KCNQ1: variants seen among roughly 807,000 people sequenced by gnomAD.
The protein encoded by KCNQ1 is potassium voltage-gated channel subfamily Q member 1.
In KCNQ1, 49 loss-of-function variants were observed where a neutral mutation model predicts 72.4. That is an observed-to-expected ratio of 0.68 (90% CI 0.54 to 0.86). The LOEUF is 0.86. Among genes scored for constraint, KCNQ1 ranks in the 40% least tolerant of loss-of-function variants. The probability of loss-of-function intolerance (pLI) is 0.00; values close to 1 mark genes in which losing one functional copy is unlikely to be tolerated. For synonymous variants in KCNQ1, 450 were observed against 412.6 expected, an observed-to-expected ratio of 1.09 and a Z score of -1.10; for missense variants, 790 against 945.1, an observed-to-expected ratio of 0.84 and a Z score of 2.15.
chr11:2,551,324 C>G (rs1847980542), intron 2 of KCNQ1, among the ~76,000 whole-genome samples: 1 of 152,228 alleles, frequency 6.6e-6, no homozygotes, highest in East Asian at 1.9e-4. Context: ...CATGGTTTTG[C>G]CTTTTCCAGA....
At chr11:2,833,240 C>A (rs1008227712) in intron 15 of KCNQ1, among the ~76,000 whole-genome samples, 3 of 152,200 alleles carry the variant, frequency 2.0e-5, no homozygotes, top group Admixed American at 6.5e-5. Flanking sequence ...GGACATAGCC[C>A]CTTCTTGCTT....
chr11:2,584,783 C>T (rs1020900245), intron 7 of KCNQ1, among the ~76,000 whole-genome samples: 1 of 152,084 alleles, frequency 6.6e-6, no homozygotes, highest in Non-Finnish European at 1.5e-5. Flanking sequence ...CACGGAGTTC[C>T]CTAGCTTCAG....
chr11:2,583,742 A>G (rs1284997523), intron 7 of KCNQ1, among the ~76,000 whole-genome samples, 197 bp downstream of exon 7: 1 of 152,160 alleles, frequency 6.6e-6, no homozygotes, highest in African/African-American at 2.4e-5. Flanking sequence ...TGCAGTCCCC[A>G]CTGGGGTCCT....
At chr11:2,628,901 CTT>C in intron 10 of KCNQ1, 1 of 398,306 alleles carries the variant, frequency 2.5e-6, no homozygotes, top group Non-Finnish European at 4.4e-6. Context: ...CTCTTGGTGT[CTT>C]TGTCAAAGAT....
chr11:2,600,458 C>T lies in KCNQ1; in HGVS notation c.1393+11604C>T, dbSNP rs191115090. 2.8e-4 allele frequency among the ~76,000 whole-genome samples: 43 copies of T among 152,300 alleles called. No individual in the cohort carries two copies. Among genetic ancestry groups the T allele is most frequent in the African/African-American group, 8.7e-4 (36 of 41,572 alleles). ...TGCCACATTTGCTTTATCATTTGAA[C>T]CCCTTTCTCTACATTATATTCACAT... On this transcript the variant is annotated intron_variant, in intron 10 of 15. Coordinates refer to ENST00000155840, the MANE Select transcript of KCNQ1 (RefSeq NM_000218.3). The surrounding 1 kb of genome is among the most constrained non-coding windows in gnomAD (Gnocchi z 5.6).
rs949403322 is a variant in KCNQ1, at chr11:2,818,470, G to T, written c.1795-29297G>T. Among the ~76,000 whole-genome samples, 2 of 152,180 alleles carry T rather than the reference G, an allele frequency of 1.3e-5. No homozygotes were observed. Among genetic ancestry groups the T allele is most frequent in the Admixed American group, 6.5e-5 (1 of 15,286 alleles). On this transcript the variant is annotated intron_variant, in intron 15 of 15. Coordinates refer to ENST00000155840, the MANE Select transcript of KCNQ1 (RefSeq NM_000218.3). The surrounding 1 kb of genome is among the most constrained non-coding windows in gnomAD (Gnocchi z 7.2). ...TTCCTCAGAGGAAGAGCAAGGGTAG[G>T]TGCCTCTGGCATGAGCCAGATGATG...
intron 15 of KCNQ1, among the ~76,000 whole-genome samples, chr11:2,836,022 A>G (rs1002067364): frequency 3.9e-5 from 6 of 152,032 alleles, no homozygotes; most frequent in African/African-American, 1.4e-4. Flanking sequence ...GCCACGGGGA[A>G]AGGGACAGAG....
At chr11:2,845,993 G>T (rs1001216929) in intron 15 of KCNQ1, among the ~76,000 whole-genome samples, 1 of 152,160 alleles carries the variant, frequency 6.6e-6, no homozygotes, top group Non-Finnish European at 1.5e-5. Context: ...CTAGCAAACT[G>T]GTTGCTCCCT....
chr11:2,743,747 T>C (rs1846095368), intron 11 of KCNQ1, among the ~76,000 whole-genome samples: 1 of 152,250 alleles, frequency 6.6e-6, no homozygotes. Flanking sequence ...CAACTGTGCT[T>C]CGTGACAGGC....
chr11:2,629,376 C>A, intron 10 of KCNQ1: 2 of 398,396 alleles, frequency 5.0e-6, no homozygotes, highest in Non-Finnish European at 8.9e-6. Context: ...CTGTGCCTTT[C>A]ATATTATATC....
chr11:2,571,249 G>A (rs1025287059), intron 3 of KCNQ1, 76 bp from the exon 4 acceptor site: 4 of 1,240,904 alleles, frequency 3.2e-6, no homozygotes, highest in Non-Finnish European at 2.4e-6. Flanking sequence ...CCCCAGACGA[G>A]AGCAGGGTGT....
rs1056641840 is a variant in KCNQ1 at position 2,848,758 on chromosome 11, C to T, written c.*755C>T. On this transcript the variant is annotated 3_prime_UTR_variant, in exon 16 of 16. Coordinates refer to ENST00000155840, the MANE Select transcript of KCNQ1 (RefSeq NM_000218.3). Reference sequence around the variant, plus strand: ...CGTGGGGCTCCCGCCTCCAACCCCTCGCCCAGTCCCAGCAGCCAGCCAAAC... The same window carrying T: ...CGTGGGGCTCCCGCCTCCAACCCCTTGCCCAGTCCCAGCAGCCAGCCAAAC... 1.5e-5 allele frequency: 7 copies of T among 453,988 alleles called. No homozygotes were observed. The highest frequency in any genetic ancestry group is 3.1e-5 in the South Asian group (2 of 64,480). The allele number at this position is 453,988 out of a possible 1,614,324, so 28.1% of individuals were successfully genotyped here. A position where few individuals can be genotyped will look rare whatever the true frequency, so the allele number is the denominator to read the frequency against.
At chr11:2,553,772 A>G (rs1450813690) in intron 2 of KCNQ1, among the ~76,000 whole-genome samples, 4 of 151,810 alleles carry the variant, frequency 2.6e-5, no homozygotes, top group South Asian at 2.1e-4. Context: ...CTGGAGCGCA[A>G]TGGCGTGATC....
intron 10 of KCNQ1, chr11:2,618,128 T>G (rs897091409): frequency 2.5e-6 from 1 of 398,530 alleles, no homozygotes. Flanking sequence ...TTTTCCCCTA[T>G]GTTTTCTTCT....
chr11:2,548,551 A>G (rs1415661721), intron 2 of KCNQ1, among the ~76,000 whole-genome samples: 1 of 152,202 alleles, frequency 6.6e-6, no homozygotes, highest in African/African-American at 2.4e-5. Context: ...GTGGGGGGAC[A>G]CGTTTACGTG....
intron 15 of KCNQ1, among the ~76,000 whole-genome samples, chr11:2,842,028 G>T (rs906857861): frequency 6.6e-6 from 1 of 152,180 alleles, no homozygotes; most frequent in Non-Finnish European, 1.5e-5. Context: ...GGACATAACC[G>T]ACCATGAGCG....
chr11:2,489,238 G>T (rs1337420347), intron 1 of KCNQ1, among the ~76,000 whole-genome samples: 2 of 152,298 alleles, frequency 1.3e-5, no homozygotes, highest in African/African-American at 2.4e-5. Flanking sequence ...TGAGAGCTTG[G>T]GGGAGGGAAA....
chr11:2,482,515 A>G lies in KCNQ1; in HGVS notation c.386+37031A>G, dbSNP rs1208501991. The stretch of plus-strand genomic sequence containing the variant: ...GATTATTTCCTTGGGTCACATTTGC[A>G]GGAGAAGACTGACAGGATCAAAGGG... On this transcript the variant is annotated intron_variant, in intron 1 of 15. Transcript: ENST00000155840. The surrounding 1 kb of genome is among the most constrained non-coding windows in gnomAD (Gnocchi z 5.7). 1.3e-5 allele frequency among the ~76,000 whole-genome samples: 2 copies of G among 152,158 alleles called. No homozygotes were observed. Among genetic ancestry groups the G allele is most frequent in the Non-Finnish European group, 2.9e-5 (2 of 68,026 alleles).
In KCNQ1 at chr11:2,566,008, A is replaced by C. The variant is rs750791444; in HGVS notation, c.478-4620A>C. On this transcript the variant is annotated intron_variant, in intron 2 of 15. Transcript: ENST00000155840. This position sits in a 1 kb window ranked among gnomAD's most constrained non-coding sequence, Gnocchi z 6.7. ...CAGCTTCCCGGCTGCCCACTAGATGACCACCAAGGCAGGGCGGCTGGTGGT... is the reference window on the plus strand; with the variant it reads ...CAGCTTCCCGGCTGCCCACTAGATGCCCACCAAGGCAGGGCGGCTGGTGGT... Among the ~76,000 whole-genome samples, 64 of 151,930 alleles carry C rather than the reference A, an allele frequency of 4.2e-4. No homozygotes were observed. Among genetic ancestry groups the C allele is most frequent in the Non-Finnish European group, 7.5e-4 (51 of 67,978 alleles).
Sources: allele counts gnomAD v4.1 joint callset (sites outside exome capture counted in the v4.1 genomes callset), GRCh38; gene constraint gnomAD v4.1.1; non-coding constraint Gnocchi (gnomAD v3.1); transcripts MANE v1.5; gene names NCBI Gene and HGNC (gene_info 2026-07-23, HGNC 2026-07-21).